The following GANC variants were observed in gnomAD, a reference collection of about 807,000 sequenced individuals.
GANC encodes the protein neutral alpha-glucosidase C.
In GANC, 117 loss-of-function variants were observed where a neutral mutation model predicts 124.2. The ratio of observed to expected loss-of-function variants is 0.94; its 90% CI spans 0.81 to 1.10. The LOEUF is 1.10. Ranked by LOEUF, GANC falls within the 50% of genes least tolerant of loss-of-function variation. The probability of loss-of-function intolerance (pLI) is 0.00; values close to 1 mark genes in which losing one functional copy is unlikely to be tolerated. For missense variants in GANC, 1,140 were observed against 1,095.0 expected (o/e 1.04, Z -0.58); for synonymous variants, 377 against 376.8 (o/e 1.00, Z -0.01).
intron 7 of GANC, among the ~76,000 whole-genome samples, chr15:42,307,123 T>G (rs992414278): frequency 1.3e-5 from 2 of 152,168 alleles, no homozygotes; most frequent in Non-Finnish European, 2.9e-5. Flanking sequence ...TTTCAGGTAC[T>G]TGGGGCTTAT....
At chr15:42,306,431 G>C (rs2141041024) in intron 6 of GANC, 115 bp from the exon 7 acceptor site, 2 of 791,718 alleles carry the variant, frequency 2.5e-6, no homozygotes, top group East Asian at 5.3e-5. Flanking sequence ...TCTTCTAAAA[G>C]ATGAACTCAC....
rs377319076 is a variant in GANC, at chr15:42,333,192, G to A, written c.1741+2520G>A. 5.9e-5 allele frequency among the ~76,000 whole-genome samples: 9 copies of A among 151,926 alleles called. No individual in the cohort carries two copies. The East Asian group carries it at 1.7e-3, about 30-fold the overall frequency. On this transcript the variant is annotated intron_variant, in intron 15 of 23. Transcript: ENST00000318010. ...AAAATACGAAAATGAGCCAGGCATA[G>A]TGGCACATGCCTGTAGTCCCAGCTA...
At chr15:42,289,694 G>A (rs1001673463) in intron 4 of GANC, among the ~76,000 whole-genome samples, 6 of 152,156 alleles carry the variant, frequency 3.9e-5, no homozygotes, top group African/African-American at 1.4e-4. Flanking sequence ...GAGGCAGTGA[G>A]GATGTATTTA....
At chr15:42,327,305 G>T in intron 12 of GANC, 58 bp from the exon 13 acceptor site, 2 of 1,264,206 alleles carry the variant, frequency 1.6e-6, no homozygotes, top group Non-Finnish European at 2.2e-6. Flanking sequence ...TCTTTACAAT[G>T]CATCCTACTG....
intron 10 of GANC, among the ~76,000 whole-genome samples, 195 bp downstream of exon 10, chr15:42,311,041 C>G (rs934527610): frequency 6.6e-6 from 1 of 152,214 alleles, no homozygotes; most frequent in African/African-American, 2.4e-5. Flanking sequence ...CTAGAATGCT[C>G]TACTGTCTAG....
chr15:42,273,402 C>G lies in GANC; in HGVS notation c.-1080C>G. 6.2e-7 allele frequency: 1 copy of G among 1,613,962 alleles called. No homozygotes were observed. The highest frequency in any genetic ancestry group is 1.1e-5 in the South Asian group (1 of 91,080). The stretch of plus-strand genomic sequence containing the variant: ...GAAGCCACGCAGCCGCCGCCATCTT[C>G]ACAGCCGTGGAGTGCCTACCGAAAG... On this transcript the variant is annotated 5_prime_UTR_variant, in exon 1 of 24. Transcript: ENST00000318010.
chr15:42,318,954 A>G (rs1482402084), intron 10 of GANC, among the ~76,000 whole-genome samples: 2 of 152,106 alleles, frequency 1.3e-5, no homozygotes, highest in African/African-American at 2.4e-5. Flanking sequence ...CAATCCTGAG[A>G]ATTGTGTCCT....
intron 6 of GANC, among the ~76,000 whole-genome samples, chr15:42,306,188 G>A (rs781611472): frequency 3.3e-5 from 5 of 151,950 alleles, no homozygotes; most frequent in Non-Finnish European, 7.4e-5. Flanking sequence ...CACCACACCC[G>A]GCTAATTTTT....
chr15:42,288,671 A>G (rs1338179012), intron 4 of GANC, among the ~76,000 whole-genome samples: 2 of 152,296 alleles, frequency 1.3e-5, no homozygotes, highest in East Asian at 3.9e-4. Flanking sequence ...TAACTTAGTA[A>G]ACATAATTTT....
At chr15:42,276,449 C>T in intron 2 of GANC, 39 bp downstream of exon 2, 1 of 915,144 alleles carries the variant, frequency 1.1e-6, no homozygotes, top group Non-Finnish European at 1.8e-6. Context: ...CAAAACATCT[C>T]TGACAGTATT....
chr15:42,281,523 A>T (rs890238746), intron 3 of GANC, among the ~76,000 whole-genome samples: 1 of 152,106 alleles, frequency 6.6e-6, no homozygotes, highest in African/African-American at 2.4e-5. Flanking sequence ...CATCTCTACT[A>T]AAAATACAAA....
chr15:42,273,373 A>G lies in GANC; in HGVS notation c.-1109A>G. On this transcript the variant is annotated 5_prime_UTR_variant, in exon 1 of 24. Transcript: ENST00000318010. ...CAGAAGCAGAAGAATGACAGGCAAC[A>G]CCTGAAGCCACGCAGCCGCCGCCAT... 1 of 1,614,004 alleles carries G rather than the reference A, an allele frequency of 6.2e-7. No individual in the cohort carries two copies. The highest frequency in any genetic ancestry group is 8.5e-7 in the Non-Finnish European group (1 of 1,180,016).
chr15:42,344,720 T>G (rs1199977360), intron 19 of GANC: 1 of 152,210 alleles, frequency 6.6e-6, no homozygotes, highest in East Asian at 1.9e-4. Flanking sequence ...AAGGTTCCCC[T>G]GCCAAGTAGA....
chr15:42,321,765 T>C lies in GANC; in HGVS notation c.1058-20T>C. 1 of 1,599,526 alleles carries C rather than the reference T, an allele frequency of 6.3e-7. No individual in the cohort carries two copies. The highest frequency in any genetic ancestry group is 8.6e-7 in the Non-Finnish European group (1 of 1,166,738). ...GTCATTGCCATGGCAGTTGACTCAG[T>C]TGTCATCTCCCTCTTTTAGGCACAC... On this transcript the variant is annotated intron_variant, in intron 10 of 23. Transcript: ENST00000318010.
intron 15 of GANC, among the ~76,000 whole-genome samples, chr15:42,337,872 G>T (rs531545158): frequency 6.6e-5 from 10 of 152,128 alleles, no homozygotes; most frequent in Non-Finnish European, 1.0e-4. Flanking sequence ...GACCAGCCTG[G>T]CCAACATGGT....
chr15:42,302,709 C>T (rs1658730423), intron 6 of GANC, among the ~76,000 whole-genome samples: 1 of 151,828 alleles, frequency 6.6e-6, no homozygotes, highest in African/African-American at 2.4e-5. Context: ...ATGAGGCATG[C>T]ACAAGTATCA....
chr15:42,321,972 C>T lies in GANC; in HGVS notation c.1245C>T (p.Phe415=). ...KRYFTWDKNR[F]PNPKRMQELL... ...ACTTCACCTGGGACAAAAACAGATT[C>T]CCAAACCCCAAGAGGATGCAAGAGC... Residue 415 remains phenylalanine, a synonymous_variant, in exon 11 of 24, where the codon TTC becomes TTT. Transcript: ENST00000318010. 3 of 1,613,926 alleles carry T rather than the reference C, an allele frequency of 1.9e-6. No homozygotes were observed. Among genetic ancestry groups the T allele is most frequent in the Non-Finnish European group, 2.5e-6 (3 of 1,179,948 alleles).
intron 11 of GANC, among the ~76,000 whole-genome samples, chr15:42,325,141 C>T (rs1455478272): frequency 2.6e-5 from 4 of 151,618 alleles, no homozygotes; most frequent in East Asian, 1.9e-4. Flanking sequence ...AGCATGGTGG[C>T]GGGCACCTGT....
At position 42,353,308 on chromosome 15, in the gene GANC, C is replaced by T; in HGVS notation, c.*1169C>T. The stretch of plus-strand genomic sequence containing the variant: ...TTGCTAACGGCCACCTCTGTGCCTT[C>T]TGATCCCTGGGCGCCAATATCCTCC... On this transcript the variant is annotated 3_prime_UTR_variant, in exon 24 of 24. Transcript: ENST00000318010. 6 of 986,286 alleles carry T rather than the reference C, an allele frequency of 6.1e-6. No homozygotes were observed. The highest frequency in any genetic ancestry group is 7.2e-6 in the Non-Finnish European group (6 of 830,220). The allele number at this position is 986,286 out of a possible 1,614,324, so 61.1% of individuals were successfully genotyped here.
Sources: gnomAD v4.1 joint callset for allele counts (sites outside exome capture counted in the v4.1 genomes callset) on GRCh38, gnomAD v4.1.1 for gene constraint, MANE v1.5 for transcripts, NCBI Gene and HGNC (gene_info 2026-07-23, HGNC 2026-07-21) for gene names.